The following CCNE2 variants were observed in gnomAD, a reference collection of about 807,000 sequenced individuals.
The protein encoded by CCNE2 is G1/S-specific cyclin-E2.
A neutral mutation model predicts 56.8 loss-of-function variants in CCNE2; 18 were observed. The ratio of observed to expected loss-of-function variants is 0.32; its 90% confidence interval spans 0.22 to 0.47. CCNE2 has a LOEUF of 0.47. Among genes scored for constraint, CCNE2 ranks in the 20% least tolerant of loss-of-function variants. CCNE2 has a pLI of 1.00. For missense variants in CCNE2, 371 were observed against 467.1 expected (o/e 0.79, Z 1.90); for synonymous variants, 139 against 149.2 (o/e 0.93, Z 0.50).
At chr8:94,895,212 G>T, upstream of CCNE2, 4 of 985,766 alleles carry the variant, frequency 4.1e-6, no homozygotes, top group Non-Finnish European at 4.8e-6. Context: ...AGCTGGCGCC[G>T]GCGCCAACCC....
upstream of CCNE2, among the ~76,000 whole-genome samples, chr8:94,896,139 C>G (rs1430134074): frequency 6.6e-6 from 1 of 152,110 alleles, no homozygotes; most frequent in Admixed American, 6.5e-5. Flanking sequence ...GAGGGTAAAA[C>G]CCCTCTCCGG....
intron 5 of CCNE2, chr8:94,891,729 AT>A: frequency 1.2e-6 from 1 of 842,474 alleles, no homozygotes. Flanking sequence ...AGCATGTGCC[AT>A]TCTGACATTA....
chr8:94,887,285 C>T (rs1311575853), intron 7 of CCNE2, among the ~76,000 whole-genome samples: 7 of 152,066 alleles, frequency 4.6e-5, no homozygotes, highest in Admixed American at 2.0e-4. Context: ...GTGGGTGGAT[C>T]GCCTGAGTCA....
In CCNE2 at chr8:94,885,343, G is replaced by T. The variant is rs2131103656; in HGVS notation, c.696+120C>A. The T allele has an allele frequency of 3.9e-6, 4 of 1,033,506 alleles. No individual in the cohort carries two copies. The East Asian group carries it at 9.7e-5, about 25-fold the overall frequency. 64.0% of individuals were successfully genotyped at this position (1,033,506 alleles called of 1,614,324 possible). A position where few individuals can be genotyped will look rare whatever the true frequency, so the allele number is the denominator to read the frequency against. ...TTGATGCATTAACCTCTTAGAACTG[G>T]ATCCTAATACCTCAGTTTTGACTTT... On this transcript the variant is annotated intron_variant, in intron 8 of 11. Transcript: ENST00000308108.
chr8:94,882,642 CAGAA>C (rs976604923), intron 10 of CCNE2, 135 bp downstream of exon 10: 6 of 632,494 alleles, frequency 9.5e-6, no homozygotes, highest in African/African-American at 7.3e-5. Flanking sequence ...GTACTTCTAA[CAGAA>C]AGATAATTAC....
At chr8:94,895,766 CA>C (rs981304219), upstream of CCNE2, 6 of 152,488 alleles carry the variant, frequency 3.9e-5, no homozygotes, top group Non-Finnish European at 7.3e-5. Flanking sequence ...GCACGGGCGG[CA>C]GCACAACGTG....
At position 94,891,934 on chromosome 8, in the gene CCNE2, C is replaced by T. The variant is rs116473344; in HGVS notation, c.317+884G>A. The stretch of plus-strand genomic sequence containing the variant: ...GAACAAAGCACCTACGATGTGCCAA[C>T]GGACCTACAGAGCTCATGGTCGGAT... On this transcript the variant is annotated intron_variant, in intron 5 of 11. Transcript: ENST00000308108. The T allele has an allele frequency of 2.5e-3, 3,017 of 1,186,126 alleles. 63 individuals are homozygous for T. The African/African-American group carries it at 0.041, about 16-fold the overall frequency. 73.5% of individuals were successfully genotyped at this position (1,186,126 alleles called of 1,614,324 possible).
chr8:94,881,851 T>C, intron 11 of CCNE2, 106 bp from the exon 12 acceptor site: 3 of 1,382,598 alleles, frequency 2.2e-6, no homozygotes, highest in Non-Finnish European at 2.0e-6. Flanking sequence ...AGTCTTTTTA[T>C]GTCTTTGCAA....
At chr8:94,895,142 C>T (rs1310592613) in intron 1 of CCNE2, 35 bp downstream of exon 1, 35 of 982,010 alleles carry the variant, frequency 3.6e-5, no homozygotes, top group Non-Finnish European at 4.1e-5. Flanking sequence ...GCTTTCTTTC[C>T]TCCCACATCC....
chr8:94,891,934 C>A, intron 5 of CCNE2: 1 of 1,186,140 alleles, frequency 8.4e-7, no homozygotes, highest in Non-Finnish European at 1.2e-6. Flanking sequence ...GATGTGCCAA[C>A]GGACCTACAG....
Position 94,894,121 on chromosome 8 carries a change from T to C in CCNE2, c.15-2A>G. On this transcript the variant is annotated splice_acceptor_variant, in intron 2 of 11. Transcript: ENST00000308108. LOFTEE classifies it high-confidence loss of function. ...TGCTGCTTAGCTTGTAAACGGCTAC[T>C]GTAGTGAATTTTTAAAAAGGAAGTG... 1 of 1,613,650 alleles carries C rather than the reference T, an allele frequency of 6.2e-7. No individual in the cohort carries two copies. Among genetic ancestry groups the C allele is most frequent in the East Asian group, 2.2e-5 (1 of 44,870 alleles).
chr8:94,892,907 G>C lies in CCNE2; in HGVS notation c.228C>G (p.His76Gln). 2.6e-6 allele frequency: 4 copies of C among 1,538,346 alleles called. No individual in the cohort carries two copies. The highest frequency in any genetic ancestry group is 3.5e-6 in the Non-Finnish European group (4 of 1,146,814). ...AGAAATCACTTGTTCCTATTTCTTT[G>C]TGAGGTGTTTCAATGATAATGCAAG... Reference protein sequence around the residue: ...ISPCIIIETPHKEIGTSDFSR... With the variant: ...ISPCIIIETPQKEIGTSDFSR... The change falls in exon 5 of 12, where the codon CAC becomes CAG. Residue 76 changes from histidine to glutamine, a missense_variant. His to Gln is a conservative substitution (Grantham distance 24). Coordinates refer to ENST00000308108, the MANE Select transcript of CCNE2 (RefSeq NM_057749.3).
In CCNE2 at chr8:94,882,174, G is replaced by T. The variant is rs771915643; in HGVS notation, c.1059C>A (p.Asp353Glu). ...TTGTATGTGTCTGGATATTATGTCT[G>T]TCTTCCATAGGAATCTTCTTAAAAG... ...LKTFKKIPME[D>E]RHNIQTHTNY... is the part of the protein sequence containing the mutation. The change falls in exon 11 of 12, where the codon GAC becomes GAA. Residue 353 changes from aspartate (D) to glutamate (E), a missense_variant. By Grantham distance (45) the Asp-to-Glu change is conservative. Coordinates refer to ENST00000308108, the MANE Select transcript of CCNE2 (RefSeq NM_057749.3). The T allele has an allele frequency of 1.2e-6, 2 of 1,613,176 alleles. No homozygotes were observed. The highest frequency in any genetic ancestry group is 2.2e-5 in the East Asian group (1 of 44,794).
intron 6 of CCNE2, 95 bp from the exon 7 acceptor site, chr8:94,888,168 G>T: frequency 2.5e-6 from 2 of 800,220 alleles, no homozygotes; most frequent in East Asian, 2.9e-5. Context: ...ATATGTTTAA[G>T]CCAAACTGAT....
In CCNE2 at chr8:94,882,263, A is replaced by G; in HGVS notation, c.970T>C (p.Cys324Arg). ...SGLEWDSISE[C>R]VDWMVPFVNV... ...ACAAAAGGTACCATCCAATCTACAC[A>G]TTCTGAAATACTGTCCCACTCCAAA... Residue 324 changes from cysteine to arginine, a missense_variant, in exon 11 of 12, where the codon TGT becomes CGT. Cys to Arg is a radical substitution (Grantham distance 180). Transcript: ENST00000308108. 1 of 1,610,956 alleles carries G rather than the reference A, an allele frequency of 6.2e-7. No homozygotes were observed. Among genetic ancestry groups the G allele is most frequent in the Non-Finnish European group, 8.5e-7 (1 of 1,178,868 alleles).
In CCNE2 at chr8:94,882,302, A is replaced by C. The variant is rs2131095887; in HGVS notation, c.944-13T>G. 1.3e-6 allele frequency: 2 copies of C among 1,574,000 alleles called. No homozygotes were observed. Among genetic ancestry groups the C allele is most frequent in the East Asian group, 4.5e-5 (2 of 44,134 alleles). ...TCCCACTCCAAACCTAGATAGATAG[A>C]AAAAAGTTAGAAAAGCATGAAGGTT... On this transcript the variant is annotated splice_polypyrimidine_tract_variant and intron_variant, in intron 10 of 11. Coordinates refer to ENST00000308108, the MANE Select transcript of CCNE2 (RefSeq NM_057749.3).
Position 94,880,270 on chromosome 8 carries a change from A to G in CCNE2, c.*1362T>C, listed in dbSNP as rs777475627. ...TTTTTTAACTTTTATTTTTTAAACA[A>G]TGGGCTAAAAATAAACAGTATTAAA... On this transcript the variant is annotated 3_prime_UTR_variant, in exon 12 of 12. Coordinates refer to ENST00000308108, the MANE Select transcript of CCNE2 (RefSeq NM_057749.3). 9 of 1,100,920 alleles carry G rather than the reference A, an allele frequency of 8.2e-6. No homozygotes were observed. The highest frequency in any genetic ancestry group is 4.8e-5 in the African/African-American group (3 of 62,620). The allele number at this position is 1,100,920 out of a possible 1,614,324, so 68.2% of individuals were successfully genotyped here. A position where few individuals can be genotyped will look rare whatever the true frequency, so the allele number is the denominator to read the frequency against.
intron 7 of CCNE2, among the ~76,000 whole-genome samples, chr8:94,886,295 T>G: frequency 6.6e-6 from 1 of 152,356 alleles, no homozygotes; most frequent in East Asian, 1.9e-4. Context: ...TTATCAAGAC[T>G]TCTTTTCATA....
chr8:94,885,359 T>C, intron 8 of CCNE2, 104 bp downstream of exon 8: 1 of 1,025,712 alleles, frequency 9.7e-7, no homozygotes, highest in Non-Finnish European at 1.5e-6. Flanking sequence ...AATACCTCAG[T>C]TTTGACTTTT....
Sources: gnomAD v4.1 joint callset for allele counts (sites outside exome capture counted in the v4.1 genomes callset) on GRCh38, gnomAD v4.1.1 for gene constraint, MANE v1.5 for transcripts, NCBI Gene and HGNC (gene_info 2026-07-23, HGNC 2026-07-21) for gene names.